The following FHAD1 variants were observed in gnomAD, a reference collection of about 807,000 sequenced individuals.
FHAD1 encodes forkhead associated phosphopeptide binding domain 1, also known as forkhead-associated domain-containing protein 1.
Under a neutral mutation model 191.3 loss-of-function variants are expected in FHAD1, and 146 were observed. The ratio of observed to expected loss-of-function variants is 0.76; its 90% confidence interval spans 0.67 to 0.88. FHAD1 has a LOEUF of 0.88. Ranked by LOEUF, FHAD1 falls within the 40% of genes least tolerant of loss-of-function variation. The pLI, the probability that FHAD1 is intolerant of heterozygous loss-of-function variation, is 0.00. For missense variants in FHAD1, 1,635 were observed against 1,785.8 expected (o/e 0.92, Z 1.52); for synonymous variants, 616 against 672.3 (o/e 0.92, Z 1.29).
intron 16 of FHAD1, 85 bp from the exon 17 acceptor site, chr1:15,344,998 A>G: frequency 2.0e-6 from 2 of 1,012,220 alleles, no homozygotes; most frequent in Non-Finnish European, 3.0e-6. Context: ...GTGAGGAGTG[A>G]AGAGGTAGCA....
At chr1:15,310,728 C>T (rs559030511) in intron 7 of FHAD1, among the ~76,000 whole-genome samples, 1 of 152,278 alleles carries the variant, frequency 6.6e-6, no homozygotes, top group Non-Finnish European at 1.5e-5. Flanking sequence ...AGCACTGGGC[C>T]GGGTTACGCT....
intron 20 of FHAD1, among the ~76,000 whole-genome samples, chr1:15,355,552 A>G (rs1432635185): frequency 6.6e-6 from 1 of 152,234 alleles, no homozygotes; most frequent in Non-Finnish European, 1.5e-5. Context: ...GGCAGGCTGC[A>G]TGGTCTACTC....
chr1:15,383,346 C>T lies in FHAD1; in HGVS notation c.4188+1153C>T, dbSNP rs139526527. 342 of 427,090 alleles carry T rather than the reference C, an allele frequency of 8.0e-4. 3 individuals are homozygous for T. The highest frequency in any genetic ancestry group is 6.0e-3 in the African/African-American group (298 of 49,800). The allele number at this position is 427,090 out of a possible 1,614,324, so 26.5% of individuals were successfully genotyped here. On this transcript the variant is annotated intron_variant, in intron 31 of 33. Transcript: ENST00000688493. ...CCTGGCACCAGCCGGCGGACACTGC[C>T]TTCCCCATGCTGCCCATGACCCATG...
intron 10 of FHAD1, among the ~76,000 whole-genome samples, chr1:15,322,177 AT>A (rs1280115157): frequency 2.6e-5 from 4 of 152,116 alleles, no homozygotes; most frequent in South Asian, 2.1e-4. Flanking sequence ...GCTGTTTTTC[AT>A]TAGTTTTGGA....
In FHAD1 at chr1:15,367,674, C is replaced by T. The variant is rs139689512; in HGVS notation, c.3314+52C>T. The T allele has an allele frequency of 3.5e-4, 509 of 1,462,114 alleles. 1 individual carries two copies. The African/African-American group carries it at 5.7e-3, about 17-fold the overall frequency. The allele number at this position is 1,462,114 out of a possible 1,614,324, so 90.6% of individuals were successfully genotyped here. On this transcript the variant is annotated intron_variant, in intron 25 of 33. Coordinates refer to ENST00000688493, the MANE Select transcript of FHAD1 (RefSeq NM_001391957.1). ...GGGATGGTTTGCCTGCCGTGGGGAG[C>T]CGCTGAGTATTGCAGAGAGAGGGCT...
intron 3 of FHAD1, among the ~76,000 whole-genome samples, chr1:15,285,534 C>CATAA (rs146578897): frequency 0.021 from 3,130 of 152,000 alleles, 111 homozygotes; most frequent in African/African-American, 0.071. Flanking sequence ...ATTCCATCTC[C>CATAA]ATAAATAAAT....
intron 8 of FHAD1, 34 bp downstream of exon 8, chr1:15,313,221 TC>T (rs1672829338): frequency 2.6e-6 from 4 of 1,547,296 alleles, no homozygotes; most frequent in Non-Finnish European, 2.6e-6. Context: ...CTTGTAGCCA[TC>T]CGGTGAAAAG....
At chr1:15,340,626 C>T (rs1253205001) in intron 15 of FHAD1, among the ~76,000 whole-genome samples, 1 of 152,106 alleles carries the variant, frequency 6.6e-6, no homozygotes, top group African/African-American at 2.4e-5. Flanking sequence ...AGTTCAGTGT[C>T]TGGAGGCAAA....
intron 6 of FHAD1, among the ~76,000 whole-genome samples, chr1:15,303,839 ACT>A (rs1485207624): frequency 2.7e-5 from 4 of 146,008 alleles, no homozygotes; most frequent in Non-Finnish European, 4.5e-5. Flanking sequence ...ACAGAGTGAG[ACT>A]CTGTCTCAAA....
rs78748151 is a variant in FHAD1, at chr1:15,295,103, T to A, written c.569-1581T>A. ...CACTGCATCATGAAGGTCAATATAT[T>A]TACTGCATAATGGTTATGAGTACAG... On this transcript the variant is annotated intron_variant, in intron 4 of 33. Coordinates refer to ENST00000688493, the MANE Select transcript of FHAD1 (RefSeq NM_001391957.1). 5.3e-5 allele frequency among the ~76,000 whole-genome samples: 8 copies of A among 152,272 alleles called. No homozygotes were observed. In the East Asian group the frequency reaches 1.5e-3, roughly 29 times the overall value.
chr1:15,379,219 G>A (rs969123001), intron 28 of FHAD1, among the ~76,000 whole-genome samples: 2 of 152,090 alleles, frequency 1.3e-5, no homozygotes. Context: ...TTCTCCGAGA[G>A]GGGGATGTGT....
At position 15,308,632 on chromosome 1, in the gene FHAD1, G is replaced by A; in HGVS notation, c.935G>A (p.Gly312Asp). 1 of 1,551,704 alleles carries A rather than the reference G, an allele frequency of 6.4e-7. No individual in the cohort carries two copies. Among genetic ancestry groups the A allele is most frequent in the Non-Finnish European group, 8.7e-7 (1 of 1,146,982 alleles). ...CCACAGATCAGTGCCCTACAGAAAGGCTACAGCAAGGTGCTGTGCCAGACC... is the reference window on the plus strand; with the variant it reads ...CCACAGATCAGTGCCCTACAGAAAGACTACAGCAAGGTGCTGTGCCAGACC... ...LKSQISALQK[G>D]YSKVLCQTLS... The change falls in exon 7 of 34, where the codon GGC becomes GAC. Residue 312 changes from glycine (G) to aspartate (D), a missense_variant. Physicochemically the swap from Gly to Asp is moderately conservative, Grantham distance 94. Transcript: ENST00000688493.
intron 28 of FHAD1, among the ~76,000 whole-genome samples, chr1:15,376,945 A>C (rs1467945695): frequency 1.3e-5 from 2 of 152,192 alleles, no homozygotes; most frequent in African/African-American, 2.4e-5. Context: ...GGAGGCTGAC[A>C]TGGGAAGATC....
intron 3 of FHAD1, among the ~76,000 whole-genome samples, chr1:15,288,998 T>G (rs1451337019): frequency 6.6e-6 from 1 of 152,126 alleles, no homozygotes; most frequent in Non-Finnish European, 1.5e-5. Flanking sequence ...TGTTTGTTTA[T>G]TTTTGAGACA....
intron 4 of FHAD1, among the ~76,000 whole-genome samples, chr1:15,291,109 C>CT (rs61398861): frequency 0.1 from 13,710 of 134,294 alleles, 2,318 homozygotes; most frequent in African/African-American, 0.35. Flanking sequence ...TTACTATACT[C>CT]TTTTTTTTTT....
At position 15,312,124 on chromosome 1, in the gene FHAD1, C is replaced by A. The variant is rs1420831888; in HGVS notation, c.1040-933C>A. ...AACCACAACATCTTTGATGATTCAC[C>A]CTGGGAAGTCACATTCACCACTTCC... is the stretch of plus-strand genomic sequence containing the variant. On this transcript the variant is annotated intron_variant, in intron 7 of 33. Coordinates refer to ENST00000688493, the MANE Select transcript of FHAD1 (RefSeq NM_001391957.1). The surrounding 1 kb of genome is among the most constrained non-coding windows in gnomAD (Gnocchi z 4.7). 6.6e-6 allele frequency: 1 copy of A among 152,188 alleles called. No homozygotes were observed. Among genetic ancestry groups the A allele is most frequent in the Non-Finnish European group, 1.5e-5 (1 of 68,056 alleles). 9.4% of individuals were successfully genotyped at this position (152,188 alleles called of 1,614,324 possible). A position where few individuals can be genotyped will look rare whatever the true frequency, so the allele number is the denominator to read the frequency against.
intron 3 of FHAD1, among the ~76,000 whole-genome samples, chr1:15,288,125 C>T (rs749890935): frequency 3.3e-5 from 5 of 152,176 alleles, no homozygotes; most frequent in Non-Finnish European, 7.4e-5. Context: ...GATCCCAGTT[C>T]CCTGTCCACC....
intron 23 of FHAD1, among the ~76,000 whole-genome samples, chr1:15,363,182 G>C (rs527387652): frequency 1.1e-4 from 16 of 152,212 alleles, no homozygotes; most frequent in Non-Finnish European, 1.5e-4. Flanking sequence ...GAGTCTGGGA[G>C]TGGTGCAGGG....
rs183879616 is a variant in FHAD1, at chr1:15,360,556, G to T, written c.2815G>T (p.Gly939Trp). Reference sequence around the variant, plus strand: ...GGATGAGCAGGAATCACAGAGACACGGGTTTGAAGAAGAGATCATGGAATA... The same window carrying T: ...GGATGAGCAGGAATCACAGAGACACTGGTTTGAAGAAGAGATCATGGAATA... ...LQDEQESQRH[G>W]FEEEIMEYKE... is the part of the protein sequence containing the mutation. The change falls in exon 22 of 34, where the codon GGG becomes TGG. Residue 939 changes from glycine to tryptophan, a missense_variant. Gly to Trp is a radical substitution (Grantham distance 184, BLOSUM62 -2). Coordinates refer to ENST00000688493, the MANE Select transcript of FHAD1 (RefSeq NM_001391957.1). 1.9e-6 allele frequency: 3 copies of T among 1,551,986 alleles called. No homozygotes were observed. The highest frequency in any genetic ancestry group is 2.7e-5 in the African/African-American group (2 of 73,112).
Sources: gnomAD v4.1 joint callset for allele counts (sites outside exome capture counted in the v4.1 genomes callset) on GRCh38, gnomAD v4.1.1 for gene constraint, Gnocchi (gnomAD v3.1) non-coding constraint, MANE v1.5 for transcripts, NCBI Gene and HGNC (gene_info 2026-07-23, HGNC 2026-07-21) for gene names.